KIAA1217: variants seen among roughly 807,000 people sequenced by gnomAD.
The protein encoded by KIAA1217 is sickle tail protein homolog.
A neutral mutation model predicts 163.9 loss-of-function variants in KIAA1217; 88 were observed. The ratio of observed to expected loss-of-function variants is 0.54; its 90% CI spans 0.45 to 0.64. The LOEUF (loss-of-function observed/expected upper bound fraction) is 0.64. Ranked by LOEUF, KIAA1217 falls within the 30% of genes least tolerant of loss-of-function variation. The pLI, the probability that KIAA1217 is intolerant of heterozygous loss-of-function variation, is 0.00. For synonymous variants in KIAA1217, 903 were observed against 923.1 expected, an observed-to-expected ratio of 0.98 and a Z score of 0.39; for missense variants, 2,372 against 2,475.0, an observed-to-expected ratio of 0.96 and a Z score of 0.88.
intron 2 of KIAA1217, among the ~76,000 whole-genome samples, chr10:24,296,108 C>CT (rs2040569028): frequency 1.3e-5 from 2 of 151,726 alleles, no homozygotes; most frequent in Non-Finnish European, 2.9e-5. Flanking sequence ...CATTTTTTTT[C>CT]TTTTTTCTTT....
chr10:24,425,283 G>A (rs539636016), intron 3 of KIAA1217, among the ~76,000 whole-genome samples: 8 of 152,258 alleles, frequency 5.3e-5, no homozygotes, highest in African/African-American at 1.7e-4. Flanking sequence ...ACATTTTAGG[G>A]TATAGTCATC....
intron 2 of KIAA1217, among the ~76,000 whole-genome samples, chr10:24,175,939 A>G (rs2065868309): frequency 6.6e-6 from 1 of 152,180 alleles, no homozygotes; most frequent in African/African-American, 2.4e-5. Context: ...CCAAAGAGTG[A>G]GCAGCAGCAA....
At chr10:23,704,279 T>A (rs569042692) in intron 1 of KIAA1217, among the ~76,000 whole-genome samples, 2 of 146,144 alleles carry the variant, frequency 1.4e-5, no homozygotes, top group African/African-American at 5.1e-5. Flanking sequence ...CTTTCTTTTT[T>A]AAAAAACAGC....
chr10:24,455,852 A>G (rs375288002), intron 5 of KIAA1217, among the ~76,000 whole-genome samples: 4 of 152,208 alleles, frequency 2.6e-5, no homozygotes, highest in African/African-American at 9.6e-5. Context: ...TGGGTTCAGA[A>G]TGATCAATTA....
chr10:23,882,525 T>C (rs534141494), intron 1 of KIAA1217, among the ~76,000 whole-genome samples: 1 of 152,040 alleles, frequency 6.6e-6, no homozygotes, highest in South Asian at 2.1e-4. Flanking sequence ...TTTTATGTTG[T>C]TTGAAATAGC....
chr10:23,999,166 G>GT (rs377146064), intron 1 of KIAA1217, among the ~76,000 whole-genome samples: 21 of 152,326 alleles, frequency 1.4e-4, no homozygotes, highest in African/African-American at 4.8e-4. Context: ...TTGCATGGTT[G>GT]TATGTATATT....
At chr10:23,696,045 G>A (rs1836014887) in intron 1 of KIAA1217, among the ~76,000 whole-genome samples, 1 of 152,168 alleles carries the variant, frequency 6.6e-6, no homozygotes, top group South Asian at 2.1e-4. Flanking sequence ...CTTCGAGGGC[G>A]GGCGAGACCC....
At chr10:24,501,900 C>T (rs2067671707) in intron 9 of KIAA1217, among the ~76,000 whole-genome samples, 1 of 151,850 alleles carries the variant, frequency 6.6e-6, no homozygotes. Context: ...AGGCGCCCGC[C>T]ACCACGCCCG....
intron 2 of KIAA1217, among the ~76,000 whole-genome samples, chr10:24,069,490 C>A (rs2061100633): frequency 6.6e-6 from 1 of 152,190 alleles, no homozygotes; most frequent in Non-Finnish European, 1.5e-5. Flanking sequence ...CTTTGGGCAG[C>A]ACCCAGAAAA....
chr10:23,838,518 T>G (rs1229537815), intron 1 of KIAA1217, among the ~76,000 whole-genome samples: 1 of 152,082 alleles, frequency 6.6e-6, no homozygotes, highest in Non-Finnish European at 1.5e-5. Context: ...TGGAGTGCAG[T>G]GGCACCATCT....
rs558064652 is a variant in KIAA1217, at chr10:24,378,029, C to T, written c.355-2840C>T. On this transcript the variant is annotated intron_variant, in intron 2 of 20. Transcript: ENST00000376454. The stretch of plus-strand genomic sequence containing the variant: ...CTTATCTTTTGTGCTCTCTGAAGAT[C>T]GTGGGGGTCTCACATCTCTGTTTTT... Among the ~76,000 whole-genome samples the T allele has an allele frequency of 2.3e-4, 35 of 152,274 alleles. 1 individual carries two copies. The highest frequency in any genetic ancestry group is 9.2e-4 in the Admixed American group (14 of 15,294).
At chr10:23,797,812 G>C (rs190650807) in intron 1 of KIAA1217, among the ~76,000 whole-genome samples, 1 of 152,088 alleles carries the variant, frequency 6.6e-6, no homozygotes, top group Admixed American at 6.6e-5. Context: ...GATTTGGATG[G>C]GGACACAGAG....
chr10:24,216,260 A>G (rs1488322610), intron 1 of KIAA1217, among the ~76,000 whole-genome samples: 2 of 151,280 alleles, frequency 1.3e-5, no homozygotes, highest in African/African-American at 2.4e-5. Context: ...GCTGTCTTGA[A>G]CTCTCTTGAT....
intron 1 of KIAA1217, among the ~76,000 whole-genome samples, chr10:23,836,728 C>T (rs1838470533): frequency 6.6e-6 from 1 of 151,588 alleles, no homozygotes; most frequent in Non-Finnish European, 1.5e-5. Flanking sequence ...AGTTCAAGAC[C>T]AGCCTGGGCA....
At chr10:24,220,853 T>C (rs778777893) in intron 2 of KIAA1217, among the ~76,000 whole-genome samples, 3 of 147,626 alleles carry the variant, frequency 2.0e-5, no homozygotes, top group Non-Finnish European at 3.0e-5. Flanking sequence ...CTAGAAATCC[T>C]GCACTCAAGA....
intron 2 of KIAA1217, among the ~76,000 whole-genome samples, chr10:24,153,035 T>C (rs1464140207): frequency 6.6e-6 from 1 of 152,214 alleles, no homozygotes; most frequent in African/African-American, 2.4e-5. Flanking sequence ...TGGGTGCAAA[T>C]CCTCTGTTCT....
chr10:24,499,633 G>A (rs577533071), intron 8 of KIAA1217, among the ~76,000 whole-genome samples: 1 of 152,282 alleles, frequency 6.6e-6, no homozygotes, highest in South Asian at 2.1e-4. Flanking sequence ...TCGGGAGGCT[G>A]AGACAGGAAA....
chr10:24,473,906 C>T lies in KIAA1217; in HGVS notation c.1525C>T (p.Gln509Ter), dbSNP rs192669368. 2 of 1,614,176 alleles carry T rather than the reference C, an allele frequency of 1.2e-6. No homozygotes were observed. Among genetic ancestry groups the T allele is most frequent in the Non-Finnish European group, 1.7e-6 (2 of 1,180,034 alleles). The change falls in exon 6 of 21, where the codon CAG becomes TAG. Residue 509 changes from glutamine (Q) to a stop codon, truncating the protein, a stop_gained. Transcript: ENST00000376454. LOFTEE classifies it high-confidence loss of function. Reference protein sequence around the residue: ...MQPDRASPSRQAFKKEPGTLV... With the variant: ...MQPDRASPSR ...GCCAGACCGGGCCTCTCCGAGCCGC[C>T]AGGCCTTTAAAAAGGAGCCAGGCAC...
intron 2 of KIAA1217, among the ~76,000 whole-genome samples, chr10:24,065,281 G>A (rs1472008751): frequency 6.6e-6 from 1 of 151,982 alleles, no homozygotes; most frequent in Admixed American, 6.6e-5. Flanking sequence ...TGGGCATTTA[G>A]TGCTATAAAT....
Sources: gnomAD v4.1 joint callset for allele counts (sites outside exome capture counted in the v4.1 genomes callset) on GRCh38, gnomAD v4.1.1 for gene constraint, MANE v1.5 for transcripts, NCBI Gene and HGNC (gene_info 2026-07-23, HGNC 2026-07-21) for gene names.